TMA16: variants seen among roughly 807,000 people sequenced by gnomAD.
TMA16 encodes the protein translation machinery associated 16 homolog, also known as translation machinery-associated protein 16.
A neutral mutation model predicts 27.1 loss-of-function variants in TMA16; 26 were observed. The ratio of observed to expected loss-of-function variants is 0.96; its 90% CI spans 0.70 to 1.33. TMA16 has a LOEUF of 1.33. Ranked by LOEUF, TMA16 falls within the 40% of genes most tolerant of loss-of-function variation. The pLI is 0.00. For synonymous variants in TMA16, 71 were observed against 81.9 expected, an observed-to-expected ratio of 0.87 and a Z score of 0.72; for missense variants, 233 against 241.4, an observed-to-expected ratio of 0.97 and a Z score of 0.23.
At chr4:163,496,652 C>T (rs1737557239) in intron 1 of TMA16, among the ~76,000 whole-genome samples, 1 of 151,738 alleles carries the variant, frequency 6.6e-6, no homozygotes, top group African/African-American at 2.4e-5. Context: ...GGGTGGAGTC[C>T]AGTGGCATGA....
In TMA16 at chr4:163,519,496, A is replaced by G; in HGVS notation, c.594A>G (p.Glu198=). The G allele has an allele frequency of 6.3e-7, 1 of 1,597,310 alleles. No individual in the cohort carries two copies. The highest frequency in any genetic ancestry group is 8.5e-7 in the Non-Finnish European group (1 of 1,174,508). Residue 198 remains glutamate, a synonymous_variant, in exon 7 of 7, where the codon GAA becomes GAG. Coordinates refer to ENST00000358572, the MANE Select transcript of TMA16 (RefSeq NM_018352.3). ...ATGAATCAAGTGATTCAGATGAGGAAATGACTGCAGTGGCCTAATTGTCTT... is the reference window on the plus strand; with the variant it reads ...ATGAATCAAGTGATTCAGATGAGGAGATGACTGCAGTGGCCTAATTGTCTT... The part of the protein sequence containing the change: ...LNDESSDSDE[E]MTAVA
intron 5 of TMA16, 180 bp from the exon 6 acceptor site, chr4:163,517,254 G>A (rs1412527953): frequency 1.6e-6 from 1 of 607,800 alleles, no homozygotes; most frequent in East Asian, 2.9e-5. Flanking sequence ...TCATTTAATA[G>A]GATTTTTCTT....
At chr4:163,516,582 C>A (rs569136933) in intron 5 of TMA16, among the ~76,000 whole-genome samples, 3 of 152,160 alleles carry the variant, frequency 2.0e-5, no homozygotes, top group Non-Finnish European at 4.4e-5. Flanking sequence ...ATATTGGCAG[C>A]AGCCTTCCAG....
At chr4:163,516,860 T>A (rs917764272) in intron 5 of TMA16, among the ~76,000 whole-genome samples, 1 of 152,206 alleles carries the variant, frequency 6.6e-6, no homozygotes, top group Non-Finnish European at 1.5e-5. Flanking sequence ...GATTATACGT[T>A]TGAAAACATT....
rs149824894 is a variant in TMA16, at chr4:163,510,320, G to T, written c.117-2502G>T. 5.3e-5 allele frequency among the ~76,000 whole-genome samples: 8 copies of T among 152,296 alleles called. No individual in the cohort carries two copies. The East Asian group carries it at 1.5e-3, about 29-fold the overall frequency. On this transcript the variant is annotated intron_variant, in intron 2 of 6. Transcript: ENST00000358572. ...TTGTATACATTGGTGTAGCCACCCT[G>T]ATCAGTATGTAGTATACAATTTCAT...
intron 6 of TMA16, 104 bp downstream of exon 6, chr4:163,517,580 G>T (rs1579021383): frequency 8.9e-7 from 1 of 1,120,446 alleles, no homozygotes; most frequent in East Asian, 2.5e-5. Context: ...AGAAAATCGG[G>T]TTTCTTTTAA....
At chr4:163,515,229 G>C in intron 4 of TMA16, 84 bp from the exon 5 acceptor site, 1 of 1,366,836 alleles carries the variant, frequency 7.3e-7, no homozygotes, top group African/African-American at 1.5e-5. Context: ...CCACATGAAG[G>C]CTGGATACTA....
intron 6 of TMA16, among the ~76,000 whole-genome samples, chr4:163,517,971 G>GTT (rs10718981): frequency 6.8e-6 from 1 of 147,602 alleles, no homozygotes; most frequent in African/African-American, 2.5e-5. Context: ...GATTTTTTAG[G>GTT]TTTTTTTTTT....
chr4:163,500,553 C>A (rs1350707728), intron 1 of TMA16, among the ~76,000 whole-genome samples: 3 of 152,060 alleles, frequency 2.0e-5, no homozygotes, highest in African/African-American at 7.2e-5. Context: ...AGCTGTATGT[C>A]TGTTGGGGTG....
At chr4:163,504,639 A>C (rs1276122755) in intron 1 of TMA16, among the ~76,000 whole-genome samples, 1 of 152,172 alleles carries the variant, frequency 6.6e-6, no homozygotes, top group Admixed American at 6.5e-5. Context: ...ATGGGATTAC[A>C]GGCATGTGTC....
At chr4:163,503,340 C>T (rs1737674452) in intron 1 of TMA16, among the ~76,000 whole-genome samples, 1 of 152,200 alleles carries the variant, frequency 6.6e-6, no homozygotes, top group South Asian at 2.1e-4. Flanking sequence ...AATGTATTTA[C>T]GTACACTTTG....
chr4:163,515,176 T>G, intron 4 of TMA16, 137 bp from the exon 5 acceptor site: 1 of 837,224 alleles, frequency 1.2e-6, no homozygotes, highest in Non-Finnish European at 1.7e-6. Context: ...GTAAAAGAGG[T>G]TTGAGGACCT....
chr4:163,507,221 C>CCCA, intron 2 of TMA16, 76 bp downstream of exon 2: 1 of 1,246,122 alleles, frequency 8.0e-7, no homozygotes, highest in Middle Eastern at 1.9e-4. Flanking sequence ...AACATATATC[C>CCCA]TTTCACAGTA....
At chr4:163,511,654 A>AC in intron 2 of TMA16, among the ~76,000 whole-genome samples, 1 of 151,062 alleles carries the variant, frequency 6.6e-6, no homozygotes, top group Non-Finnish European at 1.5e-5. Context: ...CTACAAAAAT[A>AC]AAAGTAAAAA....
chr4:163,495,611 G>A (rs1224253675), intron 1 of TMA16, among the ~76,000 whole-genome samples: 2 of 152,034 alleles, frequency 1.3e-5, no homozygotes, highest in Non-Finnish European at 2.9e-5. Context: ...TTCTTGCATA[G>A]AAACATGCTT....
At chr4:163,495,576 G>A (rs1411397332) in intron 1 of TMA16, among the ~76,000 whole-genome samples, 1 of 151,854 alleles carries the variant, frequency 6.6e-6, no homozygotes, top group Non-Finnish European at 1.5e-5. Context: ...TATTTTTTAC[G>A]TAATCGTTGT....
chr4:163,503,275 C>T (rs775485031), intron 1 of TMA16, among the ~76,000 whole-genome samples: 42 of 152,196 alleles, frequency 2.8e-4, no homozygotes, highest in Non-Finnish European at 5.3e-4. Context: ...TACAGTATTG[C>T]ACTCTAAGCT....
intron 4 of TMA16, among the ~76,000 whole-genome samples, chr4:163,514,493 G>T (rs1490949905): frequency 6.6e-6 from 1 of 152,176 alleles, no homozygotes; most frequent in Non-Finnish European, 1.5e-5. Context: ...AAGTGAGAAT[G>T]AAGATAACGT....
intron 1 of TMA16, among the ~76,000 whole-genome samples, chr4:163,495,896 G>A (rs1388676304): frequency 1.3e-5 from 2 of 152,148 alleles, no homozygotes; most frequent in African/African-American, 4.8e-5. Flanking sequence ...TTGCTTGTGG[G>A]ATTTCCAACT....
Sources: allele counts gnomAD v4.1 joint callset (sites outside exome capture counted in the v4.1 genomes callset), GRCh38; gene constraint gnomAD v4.1.1; transcripts MANE v1.5; gene names NCBI Gene and HGNC (gene_info 2026-07-23, HGNC 2026-07-21).